Variants in YES1 observed in about 807,000 individuals in gnomAD.
YES1 encodes the protein tyrosine-protein kinase Yes.
A neutral mutation model predicts 70.4 loss-of-function variants in YES1; 39 were observed. The observed-to-expected ratio is 0.55, with a 90% CI of 0.43 to 0.72. The LOEUF is 0.72. Ranked by LOEUF, YES1 falls within the 30% of genes least tolerant of loss-of-function variation. The pLI is 0.00. For synonymous variants in YES1, 198 were observed against 218.6 expected (o/e 0.91, Z 0.83); for missense variants, 495 against 644.8 (o/e 0.77, Z 2.52).
chr18:739,714 T>C, intron 9 of YES1, 21 bp downstream of exon 9: 2 of 1,550,056 alleles, frequency 1.3e-6, no homozygotes, highest in Non-Finnish European at 1.8e-6. Flanking sequence ...TTCAAATGGA[T>C]ACATGTATAT....
At chr18:793,817 T>C (rs1906397417) in intron 1 of YES1, among the ~76,000 whole-genome samples, 1 of 152,332 alleles carries the variant, frequency 6.6e-6, no homozygotes, top group Non-Finnish European at 1.5e-5. Context: ...AGGAACTAGT[T>C]TGAAGAGGCT....
At chr18:774,149 G>C (rs1483971943) in intron 1 of YES1, among the ~76,000 whole-genome samples, 3 of 152,110 alleles carry the variant, frequency 2.0e-5, no homozygotes, top group African/African-American at 7.2e-5. Context: ...TGCTTTGTAA[G>C]ACATTACCCT....
intron 9 of YES1, chr18:738,325 G>C (rs1438836018): frequency 6.6e-6 from 1 of 152,042 alleles, no homozygotes; most frequent in Non-Finnish European, 1.5e-5. Flanking sequence ...AAAACAAAAA[G>C]TCAGAAGAGT....
At chr18:735,718 C>CA (rs2080145584) in intron 10 of YES1, 1 of 151,566 alleles carries the variant, frequency 6.6e-6, no homozygotes, top group Non-Finnish European at 1.5e-5. Flanking sequence ...GACTCCGTCT[C>CA]AAAAAAACAA....
chr18:750,503 G>A (rs183548201), intron 3 of YES1, among the ~76,000 whole-genome samples: 3 of 152,252 alleles, frequency 2.0e-5, no homozygotes, highest in Admixed American at 2.0e-4. Flanking sequence ...AGAAGACAGC[G>A]GCAGCACCCC....
At chr18:751,631 A>G (rs1443279506) in intron 3 of YES1, 74 bp downstream of exon 3, 4 of 1,008,320 alleles carry the variant, frequency 4.0e-6, no homozygotes, top group African/African-American at 1.6e-5. Flanking sequence ...TGGATCATCA[A>G]CCAGCTCAGT....
At chr18:741,673 T>C (rs145471220) in intron 8 of YES1, among the ~76,000 whole-genome samples, 6 of 152,138 alleles carry the variant, frequency 3.9e-5, no homozygotes, top group Middle Eastern at 6.8e-3. Flanking sequence ...TGTGGTGGCA[T>C]GCACCTGTAA....
chr18:751,422 T>TA (rs955137974), intron 3 of YES1, among the ~76,000 whole-genome samples: 17 of 152,164 alleles, frequency 1.1e-4, no homozygotes, highest in African/African-American at 2.9e-4. Flanking sequence ...TAAAGTTTTT[T>TA]AAAAAAATAA....
At chr18:784,133 G>T (rs1372773441) in intron 1 of YES1, among the ~76,000 whole-genome samples, 2 of 151,694 alleles carry the variant, frequency 1.3e-5, no homozygotes, top group Admixed American at 1.3e-4. Context: ...AATGTCCATG[G>T]GACAGTTACT....
chr18:802,329 A>G (rs1053960145), intron 1 of YES1, among the ~76,000 whole-genome samples: 3 of 152,200 alleles, frequency 2.0e-5, no homozygotes, highest in African/African-American at 4.8e-5. Flanking sequence ...GCACTCTGGG[A>G]GGCCAAGGCA....
At chr18:786,811 A>T (rs1196223345) in intron 1 of YES1, among the ~76,000 whole-genome samples, 1 of 152,116 alleles carries the variant, frequency 6.6e-6, no homozygotes, top group East Asian at 1.9e-4. Flanking sequence ...GCATGTTCTG[A>T]AGGACTTCAT....
In YES1 at chr18:796,664, A is replaced by G. The variant is rs114470996; in HGVS notation, c.-9+15450T>C. On this transcript the variant is annotated intron_variant, in intron 1 of 11. Coordinates refer to ENST00000314574, the MANE Select transcript of YES1 (RefSeq NM_005433.4). Reference sequence around the variant, plus strand: ...CATCTGTAGTCTCAGTTGCTGAGGCAGGAGAATCACTTGAACCCGGGAGGT... The same window carrying G: ...CATCTGTAGTCTCAGTTGCTGAGGCGGGAGAATCACTTGAACCCGGGAGGT... Among the ~76,000 whole-genome samples, 429 of 152,270 alleles carry G rather than the reference A, an allele frequency of 2.8e-3. 2 individuals carry two copies. The highest frequency in any genetic ancestry group is 0.01 in the African/African-American group (420 of 41,546).
intron 1 of YES1, among the ~76,000 whole-genome samples, chr18:796,239 A>G (rs1906538175): frequency 6.6e-6 from 1 of 152,218 alleles, no homozygotes; most frequent in Non-Finnish European, 1.5e-5. Flanking sequence ...TCACAAAGTT[A>G]GGTTACAGTC....
chr18:807,932 C>G (rs1907181065), intron 1 of YES1, among the ~76,000 whole-genome samples: 1 of 152,262 alleles, frequency 6.6e-6, no homozygotes, highest in Admixed American at 6.5e-5. Context: ...CTTCAAGGAA[C>G]CTGCAGTCTC....
At chr18:733,070 T>A in intron 10 of YES1, 105 bp from the exon 11 acceptor site, 1 of 1,075,168 alleles carries the variant, frequency 9.3e-7, no homozygotes, top group Non-Finnish European at 1.4e-6. Flanking sequence ...ACTGTAGTCA[T>A]CAGTGTCAAT....
intron 1 of YES1, among the ~76,000 whole-genome samples, chr18:806,083 T>C (rs1343099915): frequency 2.0e-5 from 3 of 152,224 alleles, no homozygotes; most frequent in African/African-American, 7.2e-5. Flanking sequence ...TTCACACACA[T>C]TACTGCAAGA....
chr18:774,063 C>T (rs1458181084), intron 1 of YES1, among the ~76,000 whole-genome samples: 1 of 152,178 alleles, frequency 6.6e-6, no homozygotes, highest in Non-Finnish European at 1.5e-5. Flanking sequence ...AAACTCCTGA[C>T]CTTGTGATCC....
At chr18:769,265 T>C (rs1259372889) in intron 1 of YES1, among the ~76,000 whole-genome samples, 1 of 152,230 alleles carries the variant, frequency 6.6e-6, no homozygotes, top group Non-Finnish European at 1.5e-5. Context: ...TAAATCTGTA[T>C]ACAAAGTATA....
chr18:799,684 CA>C (rs1229334056), intron 1 of YES1, among the ~76,000 whole-genome samples: 2 of 151,714 alleles, frequency 1.3e-5, no homozygotes, highest in African/African-American at 4.8e-5. Flanking sequence ...GCCTGGGCAA[CA>C]GAGCGAGACT....
Sources: gnomAD v4.1 joint callset for allele counts (sites outside exome capture counted in the v4.1 genomes callset) on GRCh38, gnomAD v4.1.1 for gene constraint, MANE v1.5 for transcripts, NCBI Gene and HGNC (gene_info 2026-07-23, HGNC 2026-07-21) for gene names.